SMNDC1: variants seen among roughly 807,000 people sequenced by gnomAD.
SMNDC1 encodes survival of motor neuron-related-splicing factor 30.
A neutral mutation model predicts 29.2 loss-of-function variants in SMNDC1; 5 were observed. The ratio of observed to expected loss-of-function variants is 0.17; its 90% CI spans 0.09 to 0.36. The LOEUF is 0.36. SMNDC1 is among the 10% of genes least tolerant of loss of function. The pLI, the probability that SMNDC1 is intolerant of heterozygous loss-of-function variation, is 1.00. For missense variants in SMNDC1, 142 were observed against 268.5 expected (o/e 0.53, Z 3.29); for synonymous variants, 80 against 89.9 (o/e 0.89, Z 0.62).
chr10:110,302,258 G>A (rs1164042984), intron 2 of SMNDC1, among the ~76,000 whole-genome samples: 1 of 152,352 alleles, frequency 6.6e-6, no homozygotes. Context: ...GGGCCTGGGA[G>A]TGGGAGAAAC....
chr10:110,301,451 T>C (rs375684859), intron 2 of SMNDC1, among the ~76,000 whole-genome samples: 2 of 152,212 alleles, frequency 1.3e-5, no homozygotes, highest in East Asian at 3.8e-4. Context: ...TTTCTAATGA[T>C]AGAATAAAAT....
Position 110,300,692 on chromosome 10 carries a change from C to T in SMNDC1, c.121-1902G>A, listed in dbSNP as rs1428650768. 3.0e-6 allele frequency: 3 copies of T among 985,290 alleles called. No homozygotes were observed. The African/African-American group carries it at 5.2e-5, about 17-fold the overall frequency. 61.0% of individuals were successfully genotyped at this position (985,290 alleles called of 1,614,324 possible). On this transcript the variant is annotated intron_variant, in intron 2 of 5. Transcript: ENST00000369603. Reference sequence around the variant, plus strand: ...GCAGGTCAAATGGGGTGCACTCAAGCACTCTGCTTACTGAAGGAAGGCGTT... The same window carrying T: ...GCAGGTCAAATGGGGTGCACTCAAGTACTCTGCTTACTGAAGGAAGGCGTT...
Position 110,304,802 on chromosome 10 carries a change from G to A in SMNDC1, c.-55C>T, listed in dbSNP as rs972087467. The A allele has an allele frequency of 4.6e-5, 7 of 153,492 alleles. No individual in the cohort carries two copies. Among genetic ancestry groups the A allele is most frequent in the African/African-American group, 1.7e-4 (7 of 41,488 alleles). 9.5% of individuals were successfully genotyped at this position (153,492 alleles called of 1,614,324 possible). On this transcript the variant is annotated 5_prime_UTR_variant, in exon 1 of 6. Coordinates refer to ENST00000369603, the MANE Select transcript of SMNDC1 (RefSeq NM_005871.4). Reference sequence around the variant, plus strand: ...GAAGGGGTCGGGGCAAATGAGCCCAGTGGTAGTGGCGGTGGCAGCAGCAGC... The same window carrying A: ...GAAGGGGTCGGGGCAAATGAGCCCAATGGTAGTGGCGGTGGCAGCAGCAGC...
chr10:110,303,367 T>C lies in SMNDC1; in HGVS notation c.120+101A>G, dbSNP rs1019009448. The stretch of plus-strand genomic sequence containing the variant: ...TACCTACAGAATTTACATATATACA[T>C]AGGGTGGGGTGTAACCCCTCAAAAG... On this transcript the variant is annotated intron_variant, in intron 2 of 5. Transcript: ENST00000369603. The C allele has an allele frequency of 1.4e-5, 14 of 983,674 alleles. 2 individuals are homozygous for C. In the Admixed American group the frequency reaches 2.0e-4, roughly 14 times the overall value. 60.9% of individuals were successfully genotyped at this position (983,674 alleles called of 1,614,324 possible). A position where few individuals can be genotyped will look rare whatever the true frequency, so the allele number is the denominator to read the frequency against.
At chr10:110,301,699 A>G (rs1268674343) in intron 2 of SMNDC1, among the ~76,000 whole-genome samples, 1 of 152,208 alleles carries the variant, frequency 6.6e-6, no homozygotes, top group Non-Finnish European at 1.5e-5. Flanking sequence ...CATCACAGAA[A>G]GTTCTACTGG....
chr10:110,297,021 AAAG>A (rs1323058749), intron 4 of SMNDC1, among the ~76,000 whole-genome samples: 2 of 152,232 alleles, frequency 1.3e-5, no homozygotes, highest in African/African-American at 4.8e-5. Flanking sequence ...CATTAATAAC[AAAG>A]AATTCAAGCC....
chr10:110,301,450 A>C (rs1481086995), intron 2 of SMNDC1, among the ~76,000 whole-genome samples: 1 of 152,254 alleles, frequency 6.6e-6, no homozygotes, highest in African/African-American at 2.4e-5. Context: ...ATTTCTAATG[A>C]TAGAATAAAA....
chr10:110,303,698 A>T (rs1857693220), intron 1 of SMNDC1, 111 bp from the exon 2 acceptor site: 2 of 978,326 alleles, frequency 2.0e-6, no homozygotes, highest in Admixed American at 3.4e-5. Context: ...AACTCCTTCT[A>T]ACACTGCAGC....
Position 110,292,480 on chromosome 10 carries a change from A to G in SMNDC1, c.*1670T>C, listed in dbSNP as rs1264143286. The G allele has an allele frequency of 6.6e-6, 1 of 152,118 alleles. No homozygotes were observed. The highest frequency in any genetic ancestry group is 2.4e-5 in the African/African-American group (1 of 41,432). The allele number at this position is 152,118 out of a possible 1,614,324, so 9.4% of individuals were successfully genotyped here. On this transcript the variant is annotated 3_prime_UTR_variant, in exon 6 of 6. Coordinates refer to ENST00000369603, the MANE Select transcript of SMNDC1 (RefSeq NM_005871.4). Reference sequence around the variant, plus strand: ...TTCTGGGGTCACACAATGACACCAAATTTCTTCCCAGTGCTTTTTAATTCA... The same window carrying G: ...TTCTGGGGTCACACAATGACACCAAGTTTCTTCCCAGTGCTTTTTAATTCA...
At chr10:110,294,351 T>C in intron 5 of SMNDC1, 64 bp from the exon 6 acceptor site, 1 of 1,294,164 alleles carries the variant, frequency 7.7e-7, no homozygotes, top group East Asian at 2.6e-5. Context: ...ATTTCAAATT[T>C]TAAGTAATGT....
chr10:110,292,046 TG>T lies in SMNDC1; in HGVS notation c.*2103del, dbSNP rs1343060763. ...CTTTTTAAGGTCAAGGTTTATATTTTGTTTCAGAATATAGAGAGCTTAACCA... is the reference window on the plus strand; with the variant it reads ...CTTTTTAAGGTCAAGGTTTATATTTTTTTCAGAATATAGAGAGCTTAACCA... On this transcript the variant is annotated 3_prime_UTR_variant, in exon 6 of 6. Coordinates refer to ENST00000369603, the MANE Select transcript of SMNDC1 (RefSeq NM_005871.4). 6.6e-6 allele frequency: 1 copy of T among 152,222 alleles called. No individual in the cohort carries two copies. The highest frequency in any genetic ancestry group is 1.5e-5 in the Non-Finnish European group (1 of 68,038). The allele number at this position is 152,222 out of a possible 1,614,324, so 9.4% of individuals were successfully genotyped here.
chr10:110,292,958 T>C lies in SMNDC1; in HGVS notation c.*1192A>G, dbSNP rs1857515678. On this transcript the variant is annotated 3_prime_UTR_variant, in exon 6 of 6. Transcript: ENST00000369603. ...CTCACACACTCAGTATTCTCTTGCATGAATGCCGTGTGCAAGTACTTGGAG... is the reference window on the plus strand; with the variant it reads ...CTCACACACTCAGTATTCTCTTGCACGAATGCCGTGTGCAAGTACTTGGAG... 2 of 152,190 alleles carry C rather than the reference T, an allele frequency of 1.3e-5. No homozygotes were observed. The highest frequency in any genetic ancestry group is 1.3e-4 in the Admixed American group (2 of 15,276). 9.4% of individuals were successfully genotyped at this position (152,190 alleles called of 1,614,324 possible).
intron 3 of SMNDC1, among the ~76,000 whole-genome samples, chr10:110,298,179 G>A (rs1032626122): frequency 6.6e-6 from 1 of 152,034 alleles, no homozygotes; most frequent in Non-Finnish European, 1.5e-5. Context: ...AGTAGAGATG[G>A]GGTTTCACCA....
At chr10:110,300,000 T>C (rs1857621778) in intron 2 of SMNDC1, among the ~76,000 whole-genome samples, 1 of 152,230 alleles carries the variant, frequency 6.6e-6, no homozygotes, top group Non-Finnish European at 1.5e-5. Flanking sequence ...ATCTTTTTAA[T>C]TAGACAGTCC....
At position 110,292,191 on chromosome 10, in the gene SMNDC1, A is replaced by T. The variant is rs944172403; in HGVS notation, c.*1959T>A. On this transcript the variant is annotated 3_prime_UTR_variant, in exon 6 of 6. Coordinates refer to ENST00000369603, the MANE Select transcript of SMNDC1 (RefSeq NM_005871.4). ...CCTGCCTCTTAGTTCAGAGACACAA[A>T]CATCATCCTGACACTAGGATTTTCC... 1 of 152,170 alleles carries T rather than the reference A, an allele frequency of 6.6e-6. No homozygotes were observed. The highest frequency in any genetic ancestry group is 1.9e-4 in the East Asian group (1 of 5,196). The allele number at this position is 152,170 out of a possible 1,614,324, so 9.4% of individuals were successfully genotyped here. A position where few individuals can be genotyped will look rare whatever the true frequency, so the allele number is the denominator to read the frequency against.
At chr10:110,297,415 T>TA in intron 4 of SMNDC1, 152 bp downstream of exon 4, 2 of 683,368 alleles carry the variant, frequency 2.9e-6, no homozygotes, top group Non-Finnish European at 4.9e-6. Context: ...TAGGCACACT[T>TA]ACACAGACAA....
In SMNDC1 at chr10:110,294,782, AG is replaced by A. The variant is rs1268141102; in HGVS notation, c.579+445del. Reference sequence around the variant, plus strand: ...GAAGAGTAACACATGGGTGAAAGTCAGGTTATCCTTATTCTCAACTTCCTAT... The same window carrying A: ...GAAGAGTAACACATGGGTGAAAGTCAGTTATCCTTATTCTCAACTTCCTAT... On this transcript the variant is annotated intron_variant, in intron 5 of 5. Transcript: ENST00000369603. 2.6e-5 allele frequency among the ~76,000 whole-genome samples: 4 copies of A among 152,370 alleles called. No individual in the cohort carries two copies. The East Asian group carries it at 7.7e-4, about 29-fold the overall frequency.
rs748971084 is a variant in SMNDC1 at position 110,298,628 on chromosome 10, GTTT to G, written c.263+17_263+19del. On this transcript the variant is annotated intron_variant, in intron 3 of 5. Coordinates refer to ENST00000369603, the MANE Select transcript of SMNDC1 (RefSeq NM_005871.4). The stretch of plus-strand genomic sequence containing the variant: ...TTTATTATTTCATGTTATAGTTAGA[GTTT>G]TTTTTTCTACACTTACTGTCCATCT... 8.1e-5 allele frequency: 125 copies of G among 1,542,548 alleles called. No individual in the cohort carries two copies. The highest frequency in any genetic ancestry group is 1.0e-4 in the Non-Finnish European group (116 of 1,132,682).
At chr10:110,296,144 C>A (rs1383177247) in intron 4 of SMNDC1, among the ~76,000 whole-genome samples, 6 of 152,286 alleles carry the variant, frequency 3.9e-5, no homozygotes, top group Non-Finnish European at 5.9e-5. Flanking sequence ...TGCAGCAGCA[C>A]AAATGGAAAT....
Sources: gnomAD v4.1 joint callset for allele counts (sites outside exome capture counted in the v4.1 genomes callset) on GRCh38, gnomAD v4.1.1 for gene constraint, MANE v1.5 for transcripts, NCBI Gene and HGNC (gene_info 2026-07-23, HGNC 2026-07-21) for gene names.